PALM2AKAP2: variants seen among roughly 807,000 people sequenced by gnomAD.
PALM2AKAP2 encodes the protein PALM2-AKAP2 fusion protein.
Under a neutral mutation model 71.5 loss-of-function variants are expected in PALM2AKAP2, and 37 were observed. The observed-to-expected ratio is 0.52, with a 90% CI of 0.40 to 0.68. The LOEUF (loss-of-function observed/expected upper bound fraction) is 0.68. Among genes scored for constraint, PALM2AKAP2 ranks in the 30% least tolerant of loss-of-function variants. The probability of loss-of-function intolerance (pLI) is 0.00; values close to 1 mark genes in which losing one functional copy is unlikely to be tolerated. For synonymous variants in PALM2AKAP2, 468 were observed against 478.8 expected, an observed-to-expected ratio of 0.98 and a Z score of 0.29; for missense variants, 1,224 against 1,191.8, an observed-to-expected ratio of 1.03 and a Z score of -0.40.
chr9:109,726,494 G>A (rs1828479452), intron 1 of PALM2AKAP2, among the ~76,000 whole-genome samples: 1 of 152,194 alleles, frequency 6.6e-6, no homozygotes, highest in African/African-American at 2.4e-5. Flanking sequence ...CTCCACGCCT[G>A]GGTTGCTGAC....
intron 1 of PALM2AKAP2, among the ~76,000 whole-genome samples, chr9:110,073,920 C>T (rs1046345876): frequency 6.6e-6 from 1 of 152,012 alleles, no homozygotes; most frequent in South Asian, 2.1e-4. Flanking sequence ...ATGTGTCTTC[C>T]CACAAAATAC....
upstream of PALM2AKAP2, among the ~76,000 whole-genome samples, chr9:109,779,890 G>A (rs548415214): frequency 6.6e-6 from 1 of 152,258 alleles, no homozygotes; most frequent in East Asian, 1.9e-4. Flanking sequence ...TCGGTCAGAC[G>A]CCCCTCTCCA....
intron 1 of PALM2AKAP2, among the ~76,000 whole-genome samples, chr9:109,769,154 T>C (rs772814350): frequency 6.6e-6 from 1 of 152,184 alleles, no homozygotes; most frequent in African/African-American, 2.4e-5. Flanking sequence ...TAAGAACCCA[T>C]AAAAATACTA....
At chr9:110,033,150 C>A (rs745856483) in intron 7 of PALM2AKAP2, among the ~76,000 whole-genome samples, 2 of 151,904 alleles carry the variant, frequency 1.3e-5, no homozygotes, top group Non-Finnish European at 2.9e-5. Context: ...TTGGTTCTTG[C>A]AAAGAAAATA....
intron 1 of PALM2AKAP2, among the ~76,000 whole-genome samples, chr9:109,835,605 G>C (rs1828450162): frequency 6.6e-6 from 1 of 152,154 alleles, no homozygotes; most frequent in Non-Finnish European, 1.5e-5. Context: ...GGAAGCGCAA[G>C]GGGTCAGGGA....
intron 1 of PALM2AKAP2, among the ~76,000 whole-genome samples, chr9:110,118,703 A>G (rs1291789837): frequency 1.3e-5 from 2 of 152,196 alleles, no homozygotes; most frequent in African/African-American, 4.8e-5. Context: ...ATATTCTAAC[A>G]TTGGAAAGGT....
intron 1 of PALM2AKAP2, among the ~76,000 whole-genome samples, chr9:110,055,173 T>TTC: frequency 6.6e-6 from 1 of 151,610 alleles, no homozygotes; most frequent in East Asian, 1.9e-4. Context: ...TTTTTTAGTT[T>TTC]TTTTTTTTAA....
At chr9:109,765,958 T>C (rs1019102345) in intron 1 of PALM2AKAP2, among the ~76,000 whole-genome samples, 7 of 152,206 alleles carry the variant, frequency 4.6e-5, no homozygotes, top group African/African-American at 1.7e-4. Context: ...TTCCTGGTTA[T>C]ACCCAGGCCT....
At chr9:109,929,909 A>C (rs1372054622) in intron 5 of PALM2AKAP2, among the ~76,000 whole-genome samples, 1 of 150,072 alleles carries the variant, frequency 6.7e-6, no homozygotes, top group African/African-American at 2.4e-5. Flanking sequence ...ATGGAGGTGC[A>C]GTTCAACATG....
At chr9:109,810,046 A>AC (rs1045335964) in intron 1 of PALM2AKAP2, among the ~76,000 whole-genome samples, 1 of 152,180 alleles carries the variant, frequency 6.6e-6, no homozygotes, top group Admixed American at 6.5e-5. Flanking sequence ...GAACTAATAC[A>AC]CCCCCGAAGG....
intron 1 of PALM2AKAP2, among the ~76,000 whole-genome samples, chr9:109,756,044 C>T (rs1828958979): frequency 6.6e-6 from 1 of 152,128 alleles, no homozygotes; most frequent in Non-Finnish European, 1.5e-5. Flanking sequence ...ATGTTCATTA[C>T]TGATATTCCA....
intron 1 of PALM2AKAP2, among the ~76,000 whole-genome samples, chr9:109,823,095 C>T (rs1564165043): frequency 6.6e-6 from 1 of 152,172 alleles, no homozygotes; most frequent in Non-Finnish European, 1.5e-5. Flanking sequence ...GTCAGATCAG[C>T]TATGGCCAGA....
intron 1 of PALM2AKAP2, among the ~76,000 whole-genome samples, chr9:110,056,985 C>T (rs1435913431): frequency 1.3e-5 from 2 of 152,122 alleles, no homozygotes; most frequent in African/African-American, 4.8e-5. Context: ...TTCCACTCAC[C>T]ATTCATAGAG....
At chr9:109,826,999 T>C (rs1329202812) in intron 1 of PALM2AKAP2, among the ~76,000 whole-genome samples, 1 of 152,176 alleles carries the variant, frequency 6.6e-6, no homozygotes, top group Non-Finnish European at 1.5e-5. Flanking sequence ...GCCCATAAAA[T>C]ACTAGGTTTT....
intron 1 of PALM2AKAP2, among the ~76,000 whole-genome samples, chr9:110,108,393 G>A (rs905674350): frequency 3.9e-5 from 6 of 152,088 alleles, no homozygotes; most frequent in Admixed American, 1.3e-4. Flanking sequence ...GATTACAGGC[G>A]TGAGCCACCC....
intron 6 of PALM2AKAP2, among the ~76,000 whole-genome samples, chr9:109,990,311 C>T (rs1366272285): frequency 6.6e-6 from 1 of 152,156 alleles, no homozygotes; most frequent in Non-Finnish European, 1.5e-5. Context: ...CCGCCTGTCT[C>T]AGCCTCCCAA....
chr9:109,793,637 A>C (rs1827175874), intron 1 of PALM2AKAP2, among the ~76,000 whole-genome samples: 1 of 152,270 alleles, frequency 6.6e-6, no homozygotes, highest in Non-Finnish European at 1.5e-5. Flanking sequence ...TCAGAATGAA[A>C]AATGAGTGGA....
intron 3 of PALM2AKAP2, among the ~76,000 whole-genome samples, chr9:109,919,959 C>T (rs912978973): frequency 2.6e-5 from 4 of 152,086 alleles, no homozygotes; most frequent in South Asian, 4.1e-4. Flanking sequence ...ATTTCAGGTG[C>T]TTCTGAACTA....
At chr9:110,046,409 T>C (rs1358156677), upstream of PALM2AKAP2, among the ~76,000 whole-genome samples, 1 of 152,054 alleles carries the variant, frequency 6.6e-6, no homozygotes, top group Non-Finnish European at 1.5e-5. Context: ...TAACAAAGCA[T>C]TGACGTTGTT....
Sources: allele counts gnomAD v4.1 joint callset (sites outside exome capture counted in the v4.1 genomes callset), GRCh38; gene constraint gnomAD v4.1.1; transcripts MANE v1.5; gene names NCBI Gene and HGNC (gene_info 2026-07-23, HGNC 2026-07-21).